The following WIPF3 variants were observed in gnomAD, a reference collection of about 807,000 sequenced individuals.
WIPF3 encodes WAS/WASL-interacting protein family member 3.
WIPF3 carries 33 observed loss-of-function variants against 38.9 expected under a neutral mutation model. The observed-to-expected ratio is 0.85, with a 90% CI of 0.64 to 1.14. The LOEUF (loss-of-function observed/expected upper bound fraction) is 1.14, where lower values mean the gene tolerates loss of function less well. Among genes scored for constraint, WIPF3 ranks in the 50% most tolerant of loss-of-function variants. WIPF3 has a pLI of 0.00. For synonymous variants in WIPF3, 324 were observed against 269.3 expected, an observed-to-expected ratio of 1.20 and a Z score of -1.99; for missense variants, 711 against 652.5, an observed-to-expected ratio of 1.09 and a Z score of -0.98.
intron 1 of WIPF3, among the ~76,000 whole-genome samples, chr7:29,818,368 G>A (rs1438606858): frequency 2.0e-5 from 3 of 151,880 alleles, no homozygotes; most frequent in African/African-American, 7.3e-5. Flanking sequence ...TAGGCGAATC[G>A]CTTGAACCTG....
rs140535643 is a variant in WIPF3, at chr7:29,904,313, C to T, written c.1379C>T (p.Ala460Val). 177 of 1,613,858 alleles carry T rather than the reference C, an allele frequency of 1.1e-4. No individual in the cohort carries two copies. In the East Asian group the frequency reaches 3.0e-3, roughly 28 times the overall value. Residue 460 changes from alanine to valine, a missense_variant, in exon 8 of 9, where the codon GCG (alanine) becomes GTG (valine). Physicochemically the swap from Ala to Val is moderately conservative, Grantham distance 64 (BLOSUM62 0). Transcript: ENST00000242140. ...CGTACACCTGGTCCCTGGCTCCAAG[C>T]GGAAGCAGTCGGGCAGAGCTCTGAT... The part of the protein sequence containing the change: ...RSRTPGPWLQ[A>V]EAVGQSSDDI...
intron 2 of WIPF3, among the ~76,000 whole-genome samples, chr7:29,851,950 G>C (rs185634295): frequency 1.3e-5 from 2 of 152,108 alleles, no homozygotes; most frequent in East Asian, 1.9e-4. Flanking sequence ...GAAGAGAAAG[G>C]CTCCTCTAAA....
At chr7:29,911,185 A>G (rs367771726) in intron 8 of WIPF3, among the ~76,000 whole-genome samples, 1 of 152,330 alleles carries the variant, frequency 6.6e-6, no homozygotes, top group East Asian at 1.9e-4. Flanking sequence ...AAAGAATGAA[A>G]TACTTAGCAG....
At chr7:29,859,220 A>G (rs1184111030) in intron 2 of WIPF3, among the ~76,000 whole-genome samples, 2 of 152,228 alleles carry the variant, frequency 1.3e-5, no homozygotes, top group Non-Finnish European at 2.9e-5. Context: ...TTCCATGCAT[A>G]AGAGGCTGGG....
intron 1 of WIPF3, among the ~76,000 whole-genome samples, chr7:29,818,965 T>C (rs560501006): frequency 6.6e-6 from 1 of 152,350 alleles, no homozygotes; most frequent in Admixed American, 6.5e-5. Flanking sequence ...CCCTACTTGG[T>C]TGGCGTGTAT....
chr7:29,889,415 C>T lies in WIPF3; in HGVS notation c.1351+8C>T. ...CCAGCAAGATCCCCAGAAGTAAGTA[C>T]CACCTTGATAAGACTCCTGGCATCT... On this transcript the variant is annotated splice_region_variant and intron_variant, in intron 7 of 8. Transcript: ENST00000242140. The T allele has an allele frequency of 1.9e-6, 3 of 1,609,974 alleles. No homozygotes were observed. Among genetic ancestry groups the T allele is most frequent in the Non-Finnish European group, 2.6e-6 (3 of 1,176,308 alleles).
At chr7:29,852,416 A>G (rs947335813) in intron 2 of WIPF3, among the ~76,000 whole-genome samples, 1 of 152,272 alleles carries the variant, frequency 6.6e-6, no homozygotes, top group African/African-American at 2.4e-5. Context: ...GATAGAAGGA[A>G]CAAAATGAGA....
chr7:29,829,961 C>T (rs1321070599), intron 1 of WIPF3, among the ~76,000 whole-genome samples: 2 of 152,184 alleles, frequency 1.3e-5, no homozygotes, highest in Non-Finnish European at 2.9e-5. Flanking sequence ...CAGAGCAAAA[C>T]AACATTTTTA....
In WIPF3 at chr7:29,884,267, C is replaced by G; in HGVS notation, c.773C>G (p.Pro258Arg). ...CCTCAGCTGGCTCCCTTGCACCTCC[C>G]GCCCATCCCGCCCCCGCTCCCTCTG... ...VKPQLAPLHLPPIPPPLPLLP... is the reference protein window; with the variant it reads ...VKPQLAPLHLRPIPPPLPLLP... The change falls in exon 5 of 9, where the codon CCG becomes CGG. Residue 258 changes from proline (P) to arginine (R), a missense_variant. By Grantham distance (103) the Pro-to-Arg change is moderately radical. Coordinates refer to ENST00000242140, the MANE Select transcript of WIPF3 (RefSeq NM_001080529.3). 3 of 1,466,306 alleles carry G rather than the reference C, an allele frequency of 2.0e-6. No homozygotes were observed. The highest frequency in any genetic ancestry group is 2.8e-6 in the Non-Finnish European group (3 of 1,083,470). 90.8% of individuals were successfully genotyped at this position (1,466,306 alleles called of 1,614,324 possible).
At chr7:29,845,257 G>C (rs1784981549) in intron 2 of WIPF3, among the ~76,000 whole-genome samples, 1 of 152,248 alleles carries the variant, frequency 6.6e-6, no homozygotes, top group South Asian at 2.1e-4. Context: ...TGGCAGATGA[G>C]CTCAGAAGGA....
chr7:29,836,543 T>A (rs1784801978), intron 2 of WIPF3, among the ~76,000 whole-genome samples: 1 of 152,166 alleles, frequency 6.6e-6, no homozygotes, highest in African/African-American at 2.4e-5. Context: ...AATTTAACCC[T>A]AAAAATACCA....
chr7:29,823,423 C>T lies in WIPF3; in HGVS notation c.-57-11245C>T, dbSNP rs1784569874. ...AATGAGGTCTACCATTGGACAGAAA[C>T]TTTGACAGTTCTCTTCCCTTTTCTA... On this transcript the variant is annotated intron_variant, in intron 1 of 8. Coordinates refer to ENST00000242140, the MANE Select transcript of WIPF3 (RefSeq NM_001080529.3). The surrounding 1 kb of genome is among the most constrained non-coding windows in gnomAD (Gnocchi z 4.0). Among the ~76,000 whole-genome samples, 1 of 152,196 alleles carries T rather than the reference C, an allele frequency of 6.6e-6. No homozygotes were observed. The highest frequency in any genetic ancestry group is 1.5e-5 in the Non-Finnish European group (1 of 68,030).
intron 7 of WIPF3, among the ~76,000 whole-genome samples, chr7:29,894,756 CTCTT>C (rs1786096915): frequency 7.9e-6 from 1 of 126,148 alleles, no homozygotes; most frequent in South Asian, 2.9e-4. Flanking sequence ...TTTGCTGTCT[CTCTT>C]TCTGACACAC....
intron 2 of WIPF3, among the ~76,000 whole-genome samples, chr7:29,836,933 G>C (rs188631895): frequency 6.6e-6 from 1 of 152,312 alleles, no homozygotes; most frequent in East Asian, 1.9e-4. Context: ...GGAGGTTGCA[G>C]TGAGCCAACA....
intron 2 of WIPF3, among the ~76,000 whole-genome samples, chr7:29,864,788 C>G (rs1785357783): frequency 6.6e-6 from 1 of 152,210 alleles, no homozygotes; most frequent in African/African-American, 2.4e-5. Context: ...TCCCTTGAGG[C>G]CCAGCATCGC....
At chr7:29,882,525 A>C (rs1201874090) in intron 4 of WIPF3, among the ~76,000 whole-genome samples, 1 of 152,226 alleles carries the variant, frequency 6.6e-6, no homozygotes, top group Non-Finnish European at 1.5e-5. Context: ...ATATTTGGAA[A>C]GCCAGATACC....
chr7:29,867,166 T>G (rs1383453257), intron 2 of WIPF3, among the ~76,000 whole-genome samples: 1 of 152,264 alleles, frequency 6.6e-6, no homozygotes, highest in Non-Finnish European at 1.5e-5. Context: ...TGCAGCCGTC[T>G]TGTTAATTCC....
chr7:29,849,624 G>A (rs114665658), intron 2 of WIPF3, among the ~76,000 whole-genome samples: 363 of 152,312 alleles, frequency 2.4e-3, no homozygotes, highest in African/African-American at 8.4e-3. Context: ...AAGGTGGTGA[G>A]GGGGAAGGAG....
chr7:29,845,235 G>A (rs918963152), intron 2 of WIPF3, among the ~76,000 whole-genome samples: 2 of 152,178 alleles, frequency 1.3e-5, no homozygotes, highest in Non-Finnish European at 1.5e-5. Context: ...TTTTGTCTTC[G>A]TTTACAGCTA....
Sources: gnomAD v4.1 joint callset for allele counts (sites outside exome capture counted in the v4.1 genomes callset) on GRCh38, gnomAD v4.1.1 for gene constraint, Gnocchi (gnomAD v3.1) non-coding constraint, MANE v1.5 for transcripts, NCBI Gene and HGNC (gene_info 2026-07-23, HGNC 2026-07-21) for gene names.